GPD2: variants seen among roughly 807,000 people sequenced by gnomAD.
The protein encoded by GPD2 is glycerol-3-phosphate dehydrogenase, mitochondrial.
In GPD2, 54 loss-of-function variants were observed where a neutral mutation model predicts 82.4. That is an observed-to-expected ratio of 0.66 (90% confidence interval 0.53 to 0.82). The LOEUF (loss-of-function observed/expected upper bound fraction) is 0.82. Ranked by LOEUF, GPD2 falls within the 40% of genes least tolerant of loss-of-function variation. GPD2 has a pLI of 0.00. For synonymous variants in GPD2, 288 were observed against 306.1 expected (o/e 0.94, Z 0.62); for missense variants, 748 against 896.2 (o/e 0.83, Z 2.11).
intron 7 of GPD2, 57 bp from the exon 8 acceptor site, chr2:156,550,545 G>A (rs1209509702): frequency 2.1e-5 from 32 of 1,546,690 alleles, no homozygotes; most frequent in Non-Finnish European, 2.1e-5. Flanking sequence ...GTAATACACA[G>A]CATCCGTTAA....
the GPD2 span, among the ~76,000 whole-genome samples, chr2:156,429,664 A>T: frequency 6.6e-6 from 1 of 152,230 alleles, no homozygotes; most frequent in South Asian, 2.1e-4. Context: ...CCATTTAAAA[A>T]TATATTTAGT....
intron 1 of GPD2, among the ~76,000 whole-genome samples, chr2:156,448,459 A>T (rs1269746130): frequency 1.3e-5 from 2 of 152,230 alleles, no homozygotes; most frequent in Non-Finnish European, 2.9e-5. Flanking sequence ...TGTACAAAAC[A>T]AACACAGTTT....
the GPD2 span, among the ~76,000 whole-genome samples, chr2:156,424,587 C>G: frequency 6.6e-6 from 1 of 152,196 alleles, no homozygotes; most frequent in Admixed American, 6.5e-5. Flanking sequence ...AATGAAAGGA[C>G]TTAGATCAGA....
intron 6 of GPD2, among the ~76,000 whole-genome samples, chr2:156,546,251 C>T (rs1343074055): frequency 6.6e-6 from 1 of 152,130 alleles, no homozygotes; most frequent in African/African-American, 2.4e-5. Flanking sequence ...TGTTGCCTGG[C>T]TCTAAGGAAA....
intron 1 of GPD2, among the ~76,000 whole-genome samples, chr2:156,462,084 C>T (rs1683007808): frequency 6.6e-6 from 1 of 152,064 alleles, no homozygotes; most frequent in African/African-American, 2.4e-5. Context: ...TTTTTTTGGT[C>T]CATTTATCTG....
intron 4 of GPD2, among the ~76,000 whole-genome samples, 194 bp from the exon 5 acceptor site, chr2:156,512,024 AAT>A (rs1207749821): frequency 6.6e-6 from 1 of 152,192 alleles, no homozygotes; most frequent in East Asian, 1.9e-4. Flanking sequence ...CTCCTATGCA[AAT>A]ACAGTTAAGG....
At chr2:156,451,193 G>T (rs1182260696) in intron 1 of GPD2, among the ~76,000 whole-genome samples, 1 of 152,146 alleles carries the variant, frequency 6.6e-6, no homozygotes, top group South Asian at 2.1e-4. Flanking sequence ...CCTCCCAGAC[G>T]GGGTGGTGGC....
intron 1 of GPD2, among the ~76,000 whole-genome samples, chr2:156,438,241 G>A (rs1204589297): frequency 6.6e-6 from 1 of 152,140 alleles, no homozygotes; most frequent in Non-Finnish European, 1.5e-5. Context: ...TTGGCCTTAG[G>A]TCATCTTTTA....
At chr2:156,480,913 G>A (rs1344161273) in intron 2 of GPD2, among the ~76,000 whole-genome samples, 3 of 151,230 alleles carry the variant, frequency 2.0e-5, no homozygotes, top group Admixed American at 1.3e-4. Flanking sequence ...CAAGTAGCTG[G>A]GATTACAAGC....
intron 2 of GPD2, among the ~76,000 whole-genome samples, chr2:156,483,609 G>A (rs1188760843): frequency 6.6e-6 from 1 of 152,190 alleles, no homozygotes; most frequent in African/African-American, 2.4e-5. Flanking sequence ...AACTGGTAGA[G>A]GGTAGAGAAA....
Position 156,512,028 on chromosome 2 carries a change from C to T in GPD2, c.400-192C>T, listed in dbSNP as rs968552697. The stretch of plus-strand genomic sequence containing the variant: ...AGCATGTTTTTCTCCTATGCAAATA[C>T]AGTTAAGGTTTCTAAAAAATCTTTG... On this transcript the variant is annotated intron_variant, in intron 4 of 16. Coordinates refer to ENST00000438166, the MANE Select transcript of GPD2 (RefSeq NM_000408.5). Among the ~76,000 whole-genome samples, 4 of 152,132 alleles carry T rather than the reference C, an allele frequency of 2.6e-5. No individual in the cohort carries two copies. In the South Asian group the frequency reaches 6.2e-4, roughly 24 times the overall value.
chr2:156,417,289 T>C, the GPD2 span, among the ~76,000 whole-genome samples: 9 of 152,202 alleles, frequency 5.9e-5, no homozygotes, highest in African/African-American at 2.2e-4. Context: ...TTTTCTTTGA[T>C]CTCATTCTTT....
Position 156,476,116 on chromosome 2 carries a change from A to C in GPD2, c.11A>C (p.Gln4Pro), listed in dbSNP as rs1357194008. 6.3e-7 allele frequency: 1 copy of C among 1,597,104 alleles called. No individual in the cohort carries two copies. Among genetic ancestry groups the C allele is most frequent in the East Asian group, 2.2e-5 (1 of 44,772 alleles). Residue 4 changes from glutamine (Q) to proline (P), a missense_variant, in exon 2 of 17, where the codon CAA becomes CCA. Gln to Pro is a moderately conservative substitution (Grantham distance 76, BLOSUM62 -1). This residue lies in a region of GPD2 where 692 missense variants were observed against 809.7 expected (regional missense o/e 0.85). Coordinates refer to ENST00000438166, the MANE Select transcript of GPD2 (RefSeq NM_000408.5). ...TTTGTAGGCTAAGAAATGGCATTTC[A>C]AAAGGCAGTGAAAGGGACGATTCTT... MAF[Q>P]KAVKGTILVG...
At chr2:156,570,661 C>T (rs1286303212) in intron 12 of GPD2, among the ~76,000 whole-genome samples, 1 of 152,120 alleles carries the variant, frequency 6.6e-6, no homozygotes, top group African/African-American at 2.4e-5. Flanking sequence ...CTTAAAATAT[C>T]GATGTCCAGT....
chr2:156,496,026 G>GTCC lies in GPD2; in HGVS notation c.103-18_103-17insTCC. The GTCC allele has an allele frequency of 6.3e-7, 1 of 1,598,674 alleles. No individual in the cohort carries two copies. The highest frequency in any genetic ancestry group is 8.6e-7 in the Non-Finnish European group (1 of 1,167,056). ...ACATTCCAAATGGACAACTGAAAGT[G>GTCC]ATCTGCTTTTACATCAGATGAACCT... is the stretch of plus-strand genomic sequence containing the variant. On this transcript the variant is annotated splice_polypyrimidine_tract_variant and intron_variant, in intron 2 of 16. Transcript: ENST00000438166.
chr2:156,521,992 C>A (rs1216025594), intron 6 of GPD2, among the ~76,000 whole-genome samples: 2 of 151,948 alleles, frequency 1.3e-5, no homozygotes, highest in Non-Finnish European at 2.9e-5. Context: ...CAAATGCTGC[C>A]TTTTTGCTAT....
At chr2:156,428,966 G>T in the GPD2 span, among the ~76,000 whole-genome samples, 4 of 152,198 alleles carry the variant, frequency 2.6e-5, no homozygotes, top group South Asian at 4.1e-4. Context: ...CAGAAATTAG[G>T]TCAATGCCTA....
rs866572611 is a variant in GPD2 at position 156,529,860 on chromosome 2, A to G, written c.661+16364A>G. ...ACTGTAGCCTTGTAGTATAGTTTGA[A>G]GTCAGGTAGCGTGATGCCTCCAGCT... On this transcript the variant is annotated intron_variant, in intron 6 of 16. Coordinates refer to ENST00000438166, the MANE Select transcript of GPD2 (RefSeq NM_000408.5). 1.2e-4 allele frequency among the ~76,000 whole-genome samples: 19 copies of G among 152,218 alleles called. No homozygotes were observed. In the South Asian group the frequency reaches 2.1e-3, roughly 17 times the overall value.
At chr2:156,525,148 G>C (rs933105247) in intron 6 of GPD2, among the ~76,000 whole-genome samples, 2 of 152,144 alleles carry the variant, frequency 1.3e-5, no homozygotes, top group Non-Finnish European at 2.9e-5. Flanking sequence ...AATGTAATGA[G>C]ATCTTTTTCT....
Sources: gnomAD v4.1 joint callset for allele counts (sites outside exome capture counted in the v4.1 genomes callset) on GRCh38, gnomAD v4.1.1 for gene constraint, gnomAD v4.1.1 regional missense constraint, MANE v1.5 for transcripts, NCBI Gene and HGNC (gene_info 2026-07-23, HGNC 2026-07-21) for gene names.